Variants in PDE1C observed in about 807,000 individuals in gnomAD.
The protein encoded by PDE1C is dual specificity calcium/calmodulin-dependent 3',5'-cyclic nucleotide phosphodiesterase 1C.
A neutral mutation model predicts 93.1 loss-of-function variants in PDE1C; 62 were observed. The observed-to-expected ratio is 0.67, with a 90% CI of 0.54 to 0.82. PDE1C has a LOEUF of 0.82. Among genes scored for constraint, PDE1C ranks in the 40% least tolerant of loss-of-function variants. PDE1C has a pLI of 0.00. For synonymous variants in PDE1C, 325 were observed against 310.1 expected (o/e 1.05, Z -0.50); for missense variants, 742 against 884.6 (o/e 0.84, Z 2.04).
At chr7:31,902,980 T>C (rs528399688) in intron 2 of PDE1C, among the ~76,000 whole-genome samples, 1 of 151,932 alleles carries the variant, frequency 6.6e-6, no homozygotes, top group East Asian at 1.9e-4. Context: ...GAAATCAGAA[T>C]GTTTTGTTTT....
At chr7:32,092,949 G>A (rs1797558129) in intron 3 of PDE1C, among the ~76,000 whole-genome samples, 1 of 152,206 alleles carries the variant, frequency 6.6e-6, no homozygotes, top group Non-Finnish European at 1.5e-5. Context: ...CAGTACAGAT[G>A]TCTAACTTCA....
chr7:31,656,939 G>C, the PDE1C span, among the ~76,000 whole-genome samples: 4 of 151,336 alleles, frequency 2.6e-5, no homozygotes, highest in African/African-American at 9.7e-5. Flanking sequence ...AACAATGTTT[G>C]CTGATGCTGC....
chr7:31,625,699 CCAA>C, the PDE1C span, among the ~76,000 whole-genome samples: 3 of 152,010 alleles, frequency 2.0e-5, no homozygotes, highest in South Asian at 2.1e-4. Context: ...GTGCAGCGCA[CCAA>C]CATGTCACAT....
chr7:32,384,731 G>C (rs1784593859), intron 1 of PDE1C, among the ~76,000 whole-genome samples: 1 of 152,168 alleles, frequency 6.6e-6, no homozygotes, highest in African/African-American at 2.4e-5. Flanking sequence ...TTAAAAAGAA[G>C]AGATATAATT....
the PDE1C span, among the ~76,000 whole-genome samples, chr7:31,635,953 G>T: frequency 2.0e-5 from 3 of 152,098 alleles, no homozygotes; most frequent in Non-Finnish European, 4.4e-5. Context: ...TTTAAAAAAA[G>T]AAAAGAGGTT....
chr7:32,387,511 C>CCG (rs1362936038), intron 1 of PDE1C, among the ~76,000 whole-genome samples: 1 of 150,170 alleles, frequency 6.7e-6, no homozygotes, highest in African/African-American at 2.5e-5. Flanking sequence ...GGGCTGACCC[C>CCG]CCCACCTCCC....
chr7:32,183,895 C>T (rs879432648), intron 2 of PDE1C, among the ~76,000 whole-genome samples: 229 of 152,216 alleles, frequency 1.5e-3, no homozygotes, highest in African/African-American at 5.1e-3. Flanking sequence ...TTTTCCCAAC[C>T]TACTCATCTG....
chr7:32,210,990 C>T lies in PDE1C; in HGVS notation c.86-1451G>A, dbSNP rs547103006. Among the ~76,000 whole-genome samples, 82 of 152,176 alleles carry T rather than the reference C, an allele frequency of 5.4e-4. 1 individual carries two copies. The highest frequency in any genetic ancestry group is 1.8e-3 in the African/African-American group (76 of 41,530). On this transcript the variant is annotated intron_variant, in intron 1 of 18. Coordinates refer to the PDE1C transcript ENST00000396193. ...CGGCACTTTGGGAGGTCGAGGCGGT[C>T]GGGTCACGAGGTCAGGAGACCAGCC...
Position 31,905,208 on chromosome 7 carries a change from G to A in PDE1C, c.129-24348C>T, listed in dbSNP as rs1800443161. The stretch of plus-strand genomic sequence containing the variant: ...TCACAAATTGATAATATTCCACTTG[G>A]TTTCAAACATAAGAGAGAACATCTG... On this transcript the variant is annotated intron_variant, in intron 2 of 17. Coordinates refer to ENST00000396191, the MANE Select transcript of PDE1C (RefSeq NM_001191057.4). Among the ~76,000 whole-genome samples the A allele has an allele frequency of 2.0e-5, 3 of 152,054 alleles. No individual in the cohort carries two copies. In the South Asian group the frequency reaches 6.2e-4, roughly 32 times the overall value.
Position 32,029,270 on chromosome 7 carries a change from T to C in PDE1C, c.128+22284A>G, listed in dbSNP as rs148215417. Among the ~76,000 whole-genome samples, 77 of 152,118 alleles carry C rather than the reference T, an allele frequency of 5.1e-4. 1 individual carries two copies. The East Asian group carries it at 0.01, about 20-fold the overall frequency. On this transcript the variant is annotated intron_variant, in intron 2 of 17. Coordinates refer to ENST00000396191, the MANE Select transcript of PDE1C (RefSeq NM_001191057.4). ...GTAAATTAGTACAGTACAGCCATTATGGAAAACTATACAGAGGTTCCTCAA... is the reference window on the plus strand; with the variant it reads ...GTAAATTAGTACAGTACAGCCATTACGGAAAACTATACAGAGGTTCCTCAA...
upstream of PDE1C, among the ~76,000 whole-genome samples, chr7:32,074,367 T>C (rs1317233348): frequency 6.6e-6 from 1 of 152,200 alleles, no homozygotes; most frequent in East Asian, 1.9e-4. Flanking sequence ...CCAAGCACCA[T>C]GGCAGGCACA....
the PDE1C span, among the ~76,000 whole-genome samples, chr7:31,746,030 A>AGAGAAGCCCTCTTT: frequency 2.0e-5 from 3 of 150,814 alleles, no homozygotes; most frequent in Non-Finnish European, 4.4e-5. Flanking sequence ...TCAGTGACTG[A>AGAGAAGCCCTCTTT]GAGAAGCCCT....
intron 17 of PDE1C, among the ~76,000 whole-genome samples, chr7:31,770,641 A>G (rs1381856347): frequency 6.6e-6 from 1 of 152,040 alleles, no homozygotes; most frequent in African/African-American, 2.4e-5. Context: ...CCTCCCAAGT[A>G]GTGGGATTAC....
chr7:32,405,341 C>A (rs577211942), intron 1 of PDE1C, among the ~76,000 whole-genome samples: 4 of 151,930 alleles, frequency 2.6e-5, no homozygotes, highest in Non-Finnish European at 5.9e-5. Context: ...AACCTCTGCC[C>A]GCCAGGTTCA....
chr7:31,809,770 C>T (rs1442577178), intron 15 of PDE1C, among the ~76,000 whole-genome samples: 1 of 151,986 alleles, frequency 6.6e-6, no homozygotes, highest in Non-Finnish European at 1.5e-5. Context: ...TGGGTATATC[C>T]TACAGGGCAA....
chr7:31,678,213 C>T, the PDE1C span, among the ~76,000 whole-genome samples: 1 of 152,072 alleles, frequency 6.6e-6, no homozygotes, highest in Non-Finnish European at 1.5e-5. Context: ...CAAATAAAAA[C>T]ACCATTTTTC....
chr7:31,944,455 C>G (rs563925307), intron 2 of PDE1C, among the ~76,000 whole-genome samples: 5 of 152,148 alleles, frequency 3.3e-5, no homozygotes, highest in Admixed American at 3.3e-4. Flanking sequence ...GAGGGATGAT[C>G]GGTTAGTAAT....
chr7:32,096,410 A>G (rs750063786), intron 3 of PDE1C, among the ~76,000 whole-genome samples: 2 of 152,222 alleles, frequency 1.3e-5, no homozygotes, highest in Non-Finnish European at 2.9e-5. Flanking sequence ...AACTTTTTAA[A>G]TCTTCAGTTG....
At chr7:31,691,797 T>TAAAAAA in the PDE1C span, among the ~76,000 whole-genome samples, 13 of 86,522 alleles carry the variant, frequency 1.5e-4, no homozygotes, top group South Asian at 4.3e-4. Flanking sequence ...ATGTAATGAT[T>TAAAAAA]AAAAAAAAAA....
Sources: gnomAD v4.1 joint callset for allele counts (sites outside exome capture counted in the v4.1 genomes callset) on GRCh38, gnomAD v4.1.1 for gene constraint, MANE v1.5 for transcripts, NCBI Gene and HGNC (gene_info 2026-07-23, HGNC 2026-07-21) for gene names.